Variants in MGAT5 observed in about 807,000 individuals in gnomAD.
MGAT5 encodes the protein alpha-1,6-mannosylglycoprotein 6-beta-N-acetylglucosaminyltransferase.
MGAT5 carries 30 observed loss-of-function variants against 94.3 expected under a neutral mutation model. The observed-to-expected ratio is 0.32, with a 90% CI of 0.24 to 0.43. The LOEUF (loss-of-function observed/expected upper bound fraction) is 0.43. MGAT5 is among the 20% of genes least tolerant of loss of function. The pLI is 1.00. For missense variants in MGAT5, 691 were observed against 905.5 expected (o/e 0.76, Z 3.04); for synonymous variants, 310 against 322.9 (o/e 0.96, Z 0.43).
intron 1 of MGAT5, among the ~76,000 whole-genome samples, chr2:134,153,750 T>C (rs935023265): frequency 6.6e-6 from 1 of 152,154 alleles, no homozygotes; most frequent in Admixed American, 6.5e-5. Context: ...TACAGGCCAC[T>C]CGAGGACGAT....
chr2:134,419,852 T>C (rs1159539483), intron 12 of MGAT5, among the ~76,000 whole-genome samples: 1 of 152,168 alleles, frequency 6.6e-6, no homozygotes, highest in Non-Finnish European at 1.5e-5. Context: ...GACATGTAAA[T>C]TACTAAATAG....
At chr2:134,246,306 G>C (rs1249218125) in intron 1 of MGAT5, among the ~76,000 whole-genome samples, 2 of 152,162 alleles carry the variant, frequency 1.3e-5, no homozygotes, top group African/African-American at 4.8e-5. Flanking sequence ...CATCACAGCT[G>C]TCAGGGATTC....
At chr2:134,189,602 G>GTTTTGTTTTGTTTTTTTTTTTT (rs1553490380) in intron 1 of MGAT5, among the ~76,000 whole-genome samples, 4 of 84,672 alleles carry the variant, frequency 4.7e-5, no homozygotes, top group South Asian at 4.2e-4. Context: ...GTTTTTTTTT[G>GTTTTGTTTTGTTTTTTTTTTTT]TTTTTTTTTT....
At chr2:134,310,781 A>G (rs1010550000) in intron 2 of MGAT5, among the ~76,000 whole-genome samples, 15 of 152,196 alleles carry the variant, frequency 9.9e-5, no homozygotes, top group African/African-American at 1.9e-4. Context: ...GTCATTTTCA[A>G]TGGGAGACTA....
intron 1 of MGAT5, among the ~76,000 whole-genome samples, chr2:134,125,127 A>G (rs993918770): frequency 1.3e-5 from 2 of 152,064 alleles, no homozygotes; most frequent in African/African-American, 4.8e-5. Context: ...AGGGTAGACA[A>G]GAAAATAGGA....
Position 134,317,563 on chromosome 2 carries a change from G to T in MGAT5, c.441G>T (p.Leu147Phe). 1 of 1,569,794 alleles carries T rather than the reference G, an allele frequency of 6.4e-7. No homozygotes were observed. Among genetic ancestry groups the T allele is most frequent in the Non-Finnish European group, 8.6e-7 (1 of 1,159,760 alleles). Residue 147 changes from leucine (L) to phenylalanine (F), a missense_variant, in exon 3 of 16, where the codon TTG becomes TTT. By Grantham distance (22) the Leu-to-Phe change is conservative. This residue lies in a region of MGAT5 where 307 missense variants were observed against 335.4 expected (regional missense o/e 0.92). Coordinates refer to ENST00000281923, the MANE Select transcript of MGAT5 (RefSeq NM_002410.5). ...ACGGAGCTCAAGAAAAATGTGTATT[G>T]CCTCCTATGGACGGCTACCCTCACT... Reference protein sequence around the residue: ...IINGAQEKCVLPPMDGYPHCE... With the variant: ...IINGAQEKCVFPPMDGYPHCE...
At chr2:134,167,986 A>T (rs1688034675) in intron 1 of MGAT5, among the ~76,000 whole-genome samples, 1 of 152,192 alleles carries the variant, frequency 6.6e-6, no homozygotes, top group Non-Finnish European at 1.5e-5. Flanking sequence ...CATCCTTGTC[A>T]CACCTGTCTG....
chr2:134,154,862 GA>G (rs1687401388), intron 1 of MGAT5, among the ~76,000 whole-genome samples: 1 of 152,214 alleles, frequency 6.6e-6, no homozygotes, highest in Non-Finnish European at 1.5e-5. Context: ...ATCTGAGTTT[GA>G]ATCTGGTCAG....
chr2:134,433,650 G>A (rs986157879), intron 14 of MGAT5, among the ~76,000 whole-genome samples: 17 of 152,126 alleles, frequency 1.1e-4, no homozygotes, highest in African/African-American at 2.2e-4. Context: ...GAGAATGGTC[G>A]GTTTCAGCCT....
At chr2:134,139,788 T>G (rs1004810377) in intron 1 of MGAT5, among the ~76,000 whole-genome samples, 3 of 152,130 alleles carry the variant, frequency 2.0e-5, no homozygotes, top group Non-Finnish European at 4.4e-5. Context: ...CCACTTGTCA[T>G]CAGGTAAGCA....
chr2:134,235,246 C>A (rs963259968), intron 1 of MGAT5, among the ~76,000 whole-genome samples: 1 of 152,124 alleles, frequency 6.6e-6, no homozygotes, highest in Non-Finnish European at 1.5e-5. Flanking sequence ...ACCCTTCTAC[C>A]CACTTATCTG....
chr2:134,237,395 G>A (rs896748949), intron 1 of MGAT5, among the ~76,000 whole-genome samples: 3 of 152,092 alleles, frequency 2.0e-5, no homozygotes, highest in African/African-American at 7.2e-5. Context: ...GAATAATCTG[G>A]GAAGTTTTCT....
chr2:134,256,858 G>A (rs1682996496), intron 1 of MGAT5, among the ~76,000 whole-genome samples: 1 of 152,156 alleles, frequency 6.6e-6, no homozygotes, highest in African/African-American at 2.4e-5. Context: ...CTCTTTCATC[G>A]AATCAACTTT....
intron 9 of MGAT5, among the ~76,000 whole-genome samples, chr2:134,350,715 T>A (rs1242521561): frequency 1.3e-5 from 2 of 152,200 alleles, no homozygotes; most frequent in East Asian, 3.8e-4. Context: ...TTTGATAGTG[T>A]TAGTACCAAA....
chr2:134,239,981 T>C lies in MGAT5; in HGVS notation c.-142-14281T>C, dbSNP rs771800912. ...TTGAAGAGGGAAGCACTGTCAGTTA[T>C]GTTGTAGTGTGTCGATCTAGTAAAA... On this transcript the variant is annotated intron_variant, in intron 1 of 16. Transcript: ENST00000409645. Among the ~76,000 whole-genome samples, 12 of 152,206 alleles carry C rather than the reference T, an allele frequency of 7.9e-5. No individual in the cohort carries two copies. The South Asian group carries it at 1.0e-3, about 13-fold the overall frequency.
intron 1 of MGAT5, among the ~76,000 whole-genome samples, chr2:134,181,466 A>T (rs1345773516): frequency 6.6e-6 from 1 of 152,180 alleles, no homozygotes; most frequent in African/African-American, 2.4e-5. Context: ...GGGCAACGGA[A>T]AAGGTCCTCC....
rs192919711 is a variant in MGAT5 at position 134,169,249 on chromosome 2, G to A, written c.-143+48958G>A. On this transcript the variant is annotated intron_variant, in intron 1 of 16. Transcript: ENST00000409645. ...AAGGAATAAATGTTGGTTGAAAATG[G>A]GATTTCAAGGCCGGGCGCAGTGGCT... is the stretch of plus-strand genomic sequence containing the variant. 4.8e-4 allele frequency among the ~76,000 whole-genome samples: 73 copies of A among 152,160 alleles called. 1 individual carries two copies. Among genetic ancestry groups the A allele is most frequent in the Middle Eastern group, 3.4e-3 (1 of 294 alleles).
intron 1 of MGAT5, among the ~76,000 whole-genome samples, chr2:134,222,590 T>C (rs1680839857): frequency 6.6e-6 from 1 of 152,300 alleles, no homozygotes; most frequent in African/African-American, 2.4e-5. Context: ...TAAATTGTTA[T>C]AGACTTGTTA....
chr2:134,262,689 G>T (rs746590629), intron 1 of MGAT5, among the ~76,000 whole-genome samples: 2 of 152,284 alleles, frequency 1.3e-5, no homozygotes, highest in East Asian at 3.9e-4. Flanking sequence ...CCCAACCAGC[G>T]CTTAATTAAA....
Sources: gnomAD v4.1 joint callset for allele counts (sites outside exome capture counted in the v4.1 genomes callset) on GRCh38, gnomAD v4.1.1 for gene constraint, gnomAD v4.1.1 regional missense constraint, MANE v1.5 for transcripts, NCBI Gene and HGNC (gene_info 2026-07-23, HGNC 2026-07-21) for gene names.